The following XRN1 variants were observed in gnomAD, a reference collection of about 807,000 sequenced individuals.
XRN1 encodes 5'-3' exoribonuclease 1.
XRN1 carries 67 observed loss-of-function variants against 222.3 expected under a neutral mutation model. That is an observed-to-expected ratio of 0.30 (90% CI 0.25 to 0.37). The LOEUF (loss-of-function observed/expected upper bound fraction) is 0.37, where lower values mean the gene tolerates loss of function less well. Among genes scored for constraint, XRN1 ranks in the 10% least tolerant of loss-of-function variants. XRN1 has a pLI of 1.00. For synonymous variants in XRN1, 643 were observed against 652.4 expected (o/e 0.99, Z 0.22); for missense variants, 1,707 against 2,000.2 (o/e 0.85, Z 2.80).
At chr3:142,383,499 T>C (rs1298172410) in intron 21 of XRN1, 86 bp from the exon 22 acceptor site, 1 of 1,085,710 alleles carries the variant, frequency 9.2e-7, no homozygotes, top group Non-Finnish European at 1.3e-6. Context: ...ATGACTATGC[T>C]GTTTGCAAAT....
intron 34 of XRN1, among the ~76,000 whole-genome samples, chr3:142,334,671 C>T (rs2065797092): frequency 7.9e-6 from 1 of 126,108 alleles, no homozygotes; most frequent in Non-Finnish European, 1.8e-5. Flanking sequence ...ATATATATGT[C>T]TATGTGTATA....
chr3:142,411,822 A>ATTT (rs1291888583), intron 15 of XRN1, among the ~76,000 whole-genome samples: 31 of 138,568 alleles, frequency 2.2e-4, no homozygotes, highest in African/African-American at 6.1e-4. Flanking sequence ...CTTACTGAAA[A>ATTT]TTTTTTTTTT....
At chr3:142,317,264 C>A (rs1344705820) in intron 39 of XRN1, among the ~76,000 whole-genome samples, 1 of 151,826 alleles carries the variant, frequency 6.6e-6, no homozygotes, top group Non-Finnish European at 1.5e-5. Context: ...TTGACACTTA[C>A]CTCCTTTCCT....
Position 142,425,912 on chromosome 3 carries a change from C to T in XRN1, c.407-374G>A, listed in dbSNP as rs191275331. ...ATTCTGAAGGTTTTTTTTTTTAAGG[C>T]TTGCAGCTTAAATCAGATTGTCAAT... On this transcript the variant is annotated intron_variant, in intron 3 of 40. Coordinates refer to ENST00000392981, the MANE Select transcript of XRN1 (RefSeq NM_001282857.2). 4.5e-4 allele frequency among the ~76,000 whole-genome samples: 68 copies of T among 151,416 alleles called. 1 individual carries two copies. The highest frequency in any genetic ancestry group is 1.6e-3 in the African/African-American group (65 of 41,274).
intron 21 of XRN1, 65 bp from the exon 22 acceptor site, chr3:142,383,478 C>A: frequency 1.5e-6 from 2 of 1,344,926 alleles, no homozygotes; most frequent in Non-Finnish European, 2.1e-6. Context: ...AAGTTTTTTT[C>A]CTATGGGATT....
At chr3:142,384,468 A>T (rs2067422354) in intron 21 of XRN1, 55 bp downstream of exon 21, 1 of 1,381,850 alleles carries the variant, frequency 7.2e-7, no homozygotes, top group Admixed American at 2.2e-5. Flanking sequence ...TTATACAGTG[A>T]ATAGTGTATT....
At chr3:142,437,753 G>A (rs1351477232) in intron 1 of XRN1, among the ~76,000 whole-genome samples, 1 of 152,178 alleles carries the variant, frequency 6.6e-6, no homozygotes, top group Non-Finnish European at 1.5e-5. Context: ...AAAGTGAAGA[G>A]ACAACCCATA....
At chr3:142,362,777 CTCTT>C (rs1265815046) in intron 29 of XRN1, among the ~76,000 whole-genome samples, 27 of 132,246 alleles carry the variant, frequency 2.0e-4, no homozygotes, top group Non-Finnish European at 3.5e-4. Context: ...CTCTCTCTCT[CTCTT>C]TCTTTTTTTG....
intron 26 of XRN1, among the ~76,000 whole-genome samples, chr3:142,370,995 T>C (rs924479476): frequency 1.3e-5 from 2 of 151,548 alleles, no homozygotes; most frequent in East Asian, 3.9e-4. Context: ...ATTAGTCAAA[T>C]GTGGAGGCGT....
At chr3:142,396,358 C>T (rs1388443969) in intron 20 of XRN1, among the ~76,000 whole-genome samples, 1 of 151,980 alleles carries the variant, frequency 6.6e-6, no homozygotes, top group Non-Finnish European at 1.5e-5. Flanking sequence ...AAAGAAGTAA[C>T]AAAAACAGAT....
At chr3:142,365,783 A>G (rs2066795600) in intron 27 of XRN1, among the ~76,000 whole-genome samples, 1 of 152,114 alleles carries the variant, frequency 6.6e-6, no homozygotes, top group African/African-American at 2.4e-5. Flanking sequence ...AAAAGATTAC[A>G]TTTGTCTGTT....
intron 23 of XRN1, among the ~76,000 whole-genome samples, chr3:142,379,654 C>T (rs2067244472): frequency 6.6e-6 from 1 of 152,068 alleles, no homozygotes; most frequent in African/African-American, 2.4e-5. Flanking sequence ...TGCATTTTTC[C>T]AATATTCTTT....
Position 142,387,921 on chromosome 3 carries a change from A to G in XRN1, c.2340-3236T>C, listed in dbSNP as rs113699631. On this transcript the variant is annotated intron_variant, in intron 20 of 40. Coordinates refer to ENST00000392981, the MANE Select transcript of XRN1 (RefSeq NM_001282857.2). ...CTTCTTTTCTTGCCATGTGATCTGT[A>G]CACGCCTGTTCCTCTTTGTCTTCTG... is the stretch of plus-strand genomic sequence containing the variant. Among the ~76,000 whole-genome samples the G allele has an allele frequency of 5.1e-3, 779 of 152,162 alleles. 9 individuals carry two copies. The highest frequency in any genetic ancestry group is 0.018 in the African/African-American group (757 of 41,502).
intron 33 of XRN1, among the ~76,000 whole-genome samples, chr3:142,336,680 G>C (rs908255805): frequency 2.6e-5 from 4 of 151,636 alleles, no homozygotes; most frequent in African/African-American, 7.3e-5. Flanking sequence ...AGGAAGGGAA[G>C]AAAGTAATCT....
At chr3:142,316,520 G>A (rs890290162) in intron 39 of XRN1, among the ~76,000 whole-genome samples, 1 of 151,960 alleles carries the variant, frequency 6.6e-6, no homozygotes, top group Non-Finnish European at 1.5e-5. Context: ...TATAATAAAA[G>A]CTGCTTAGTC....
intron 33 of XRN1, among the ~76,000 whole-genome samples, chr3:142,346,669 T>C (rs1346983535): frequency 2.0e-5 from 3 of 152,068 alleles, no homozygotes; most frequent in Admixed American, 6.6e-5. Context: ...TTGGTAGAGA[T>C]AGGGTTTTGC....
intron 20 of XRN1, among the ~76,000 whole-genome samples, chr3:142,395,339 T>C (rs1488392480): frequency 1.3e-5 from 2 of 152,200 alleles, no homozygotes; most frequent in East Asian, 1.9e-4. Flanking sequence ...TGAATCCACA[T>C]AGCCTTGTCT....
chr3:142,428,045 C>A (rs1577423061), intron 2 of XRN1, among the ~76,000 whole-genome samples: 1 of 152,154 alleles, frequency 6.6e-6, no homozygotes, highest in Non-Finnish European at 1.5e-5. Flanking sequence ...CTTTGGCTGA[C>A]CAAACGATTA....
chr3:142,344,471 G>A (rs1281139127), intron 33 of XRN1, among the ~76,000 whole-genome samples: 1 of 151,946 alleles, frequency 6.6e-6, no homozygotes, highest in Admixed American at 6.6e-5. Flanking sequence ...ACAGCAATTA[G>A]GCAACAAAAG....
Sources: allele counts gnomAD v4.1 joint callset (sites outside exome capture counted in the v4.1 genomes callset), GRCh38; gene constraint gnomAD v4.1.1; transcripts MANE v1.5; gene names NCBI Gene and HGNC (gene_info 2026-07-23, HGNC 2026-07-21).